The following CROT variants were observed in gnomAD, a reference collection of about 807,000 sequenced individuals.
The protein encoded by CROT is peroxisomal carnitine O-octanoyltransferase.
CROT carries 84 observed loss-of-function variants against 89.2 expected under a neutral mutation model. The ratio of observed to expected loss-of-function variants is 0.94; its 90% confidence interval spans 0.79 to 1.13. The LOEUF (loss-of-function observed/expected upper bound fraction) is 1.13, where lower values mean the gene tolerates loss of function less well. CROT is among the 50% of genes most tolerant of loss of function. The pLI is 0.00. For synonymous variants in CROT, 212 were observed against 239.5 expected (o/e 0.89, Z 1.06); for missense variants, 711 against 727.8 (o/e 0.98, Z 0.27).
Position 87,354,374 on chromosome 7 carries a change from C to A in CROT, c.116-4832C>A, listed in dbSNP as rs768937282. The A allele has an allele frequency of 2.7e-5, 14 of 518,372 alleles. No homozygotes were observed. In the East Asian group the frequency reaches 7.1e-4, roughly 26 times the overall value. 32.1% of individuals were successfully genotyped at this position (518,372 alleles called of 1,614,324 possible). A position where few individuals can be genotyped will look rare whatever the true frequency, so the allele number is the denominator to read the frequency against. ...CCATTTAGATAACCTGGACATCAAA[C>A]CTGATGAAAAAAGTGCTTGGATTTA... On this transcript the variant is annotated intron_variant, in intron 3 of 17. Coordinates refer to ENST00000331536, the MANE Select transcript of CROT (RefSeq NM_021151.4).
At position 87,377,539 on chromosome 7, in the gene CROT, T is replaced by C. The variant is rs1474338325; in HGVS notation, c.978+89T>C. The C allele has an allele frequency of 1.5e-5, 11 of 735,494 alleles. No individual in the cohort carries two copies. In the Admixed American group the frequency reaches 2.5e-4, roughly 17 times the overall value. 45.6% of individuals were successfully genotyped at this position (735,494 alleles called of 1,614,324 possible). A position where few individuals can be genotyped will look rare whatever the true frequency, so the allele number is the denominator to read the frequency against. On this transcript the variant is annotated intron_variant, in intron 10 of 17. Transcript: ENST00000331536. ...TAAATACTTGTGCTGGGGAACAGTG[T>C]AAGTGAATAGTAATTTAGTTTTATG...
intron 1 of CROT, 55 bp downstream of exon 1, chr7:87,345,822 G>T (rs1454952746): frequency 1.6e-5 from 3 of 192,024 alleles, no homozygotes; most frequent in Non-Finnish European, 9.9e-6. Context: ...GGGGGCGGGG[G>T]AAAGTTAAGT....
chr7:87,351,308 CAAA>C (rs11295263), intron 3 of CROT, among the ~76,000 whole-genome samples: 41 of 67,522 alleles, frequency 6.1e-4, no homozygotes, highest in African/African-American at 1.3e-3. Flanking sequence ...GACTCCATCT[CAAA>C]AAAAAAAAAA....
At chr7:87,348,111 A>C (rs941361413) in intron 2 of CROT, among the ~76,000 whole-genome samples, 6 of 152,198 alleles carry the variant, frequency 3.9e-5, no homozygotes, top group African/African-American at 1.4e-4. Flanking sequence ...TTTAAAAAAT[A>C]GTTTTTGAGA....
chr7:87,393,022 T>C lies in CROT; in HGVS notation c.1673T>C (p.Met558Thr), dbSNP rs146036374. 5.0e-6 allele frequency: 8 copies of C among 1,613,588 alleles called. No homozygotes were observed. The African/African-American group carries it at 1.1e-4, about 22-fold the overall frequency. ...YLRVQGVVVP[M>T]VHNGYGFFYH... ...CGAGTCCAGGGAGTGGTAGTTCCCA[T>C]GGTACACAATGGTTATGGATTTTTC... Residue 558 changes from methionine to threonine, a missense_variant, in exon 17 of 18, where the codon ATG becomes ACG. Met to Thr is a moderately conservative substitution (Grantham distance 81, BLOSUM62 -1). Coordinates refer to ENST00000331536, the MANE Select transcript of CROT (RefSeq NM_021151.4).
intron 7 of CROT, among the ~76,000 whole-genome samples, chr7:87,373,868 AGAC>A (rs1220583546): frequency 6.6e-6 from 1 of 152,106 alleles, no homozygotes; most frequent in African/African-American, 2.4e-5. Context: ...TGACGTATGG[AGAC>A]GACAATGGGA....
chr7:87,357,598 G>T (rs770132495), intron 3 of CROT: 2 of 1,041,920 alleles, frequency 1.9e-6, no homozygotes, highest in African/African-American at 3.2e-5. Context: ...AAGGTGAGTT[G>T]CAGAGTGCAG....
intron 7 of CROT, among the ~76,000 whole-genome samples, chr7:87,369,891 T>A (rs937588958): frequency 1.4e-5 from 2 of 141,838 alleles, no homozygotes; most frequent in Admixed American, 1.4e-4. Flanking sequence ...GTATATGTTT[T>A]AAAGTATATT....
intron 10 of CROT, among the ~76,000 whole-genome samples, chr7:87,378,034 C>G (rs567592193): frequency 6.6e-6 from 1 of 151,960 alleles, no homozygotes; most frequent in South Asian, 2.1e-4. Context: ...GTCTATGAAC[C>G]AAGAAAATTT....
intron 13 of CROT, among the ~76,000 whole-genome samples, chr7:87,388,520 T>C (rs1348165643): frequency 6.6e-6 from 1 of 152,130 alleles, no homozygotes; most frequent in Admixed American, 6.5e-5. Context: ...AAACAAGCAA[T>C]GGGGAAAGGA....
chr7:87,377,188 T>C (rs1468617914), intron 9 of CROT, among the ~76,000 whole-genome samples, 161 bp from the exon 10 acceptor site: 1 of 152,204 alleles, frequency 6.6e-6, no homozygotes, highest in South Asian at 2.1e-4. Context: ...CTCTTGACTT[T>C]GCATATCACA....
chr7:87,398,378 C>A (rs1020007846), intron 17 of CROT, 146 bp from the exon 18 acceptor site: 5 of 949,324 alleles, frequency 5.3e-6, no homozygotes, highest in Non-Finnish European at 8.4e-6. Context: ...GCTTTACCTT[C>A]AATTGTGTCA....
chr7:87,381,211 C>T (rs1806990418), intron 10 of CROT, among the ~76,000 whole-genome samples: 2 of 152,174 alleles, frequency 1.3e-5, no homozygotes, highest in African/African-American at 4.8e-5. Context: ...GTGACAGTCA[C>T]AAGGAACCGT....
intron 10 of CROT, among the ~76,000 whole-genome samples, chr7:87,379,582 C>G (rs1261219134): frequency 6.6e-6 from 1 of 152,210 alleles, no homozygotes; most frequent in Non-Finnish European, 1.5e-5. Flanking sequence ...ATAATCTTGT[C>G]TGTCTCTGAA....
rs1055608349 is a variant in CROT at position 87,358,841 on chromosome 7, G to C, written c.116-365G>C. ...ATGGACCTGTGCAGTTCAAACTCGT[G>C]TTGTTCGAGTCAACCATGTCCTTAA... On this transcript the variant is annotated intron_variant, in intron 3 of 17. Coordinates refer to ENST00000331536, the MANE Select transcript of CROT (RefSeq NM_021151.4). Among the ~76,000 whole-genome samples, 4 of 152,214 alleles carry C rather than the reference G, an allele frequency of 2.6e-5. No homozygotes were observed. In the East Asian group the frequency reaches 7.7e-4, roughly 29 times the overall value.
At chr7:87,368,548 G>A (rs1806525374) in intron 6 of CROT, among the ~76,000 whole-genome samples, 1 of 152,132 alleles carries the variant, frequency 6.6e-6, no homozygotes, top group East Asian at 1.9e-4. Flanking sequence ...TTTATCAGGA[G>A]ACTGTTCTTC....
At chr7:87,380,560 T>C (rs1806960929) in intron 10 of CROT, among the ~76,000 whole-genome samples, 1 of 152,212 alleles carries the variant, frequency 6.6e-6, no homozygotes, top group Non-Finnish European at 1.5e-5. Context: ...CCTACATTCT[T>C]AAACACTATG....
chr7:87,374,237 AT>A (rs1806734394), intron 7 of CROT, among the ~76,000 whole-genome samples: 1 of 152,136 alleles, frequency 6.6e-6, no homozygotes, highest in Non-Finnish European at 1.5e-5. Context: ...AAGAGGGATT[AT>A]CTTGTTACCA....
At chr7:87,364,427 A>C (rs985106664) in intron 6 of CROT, among the ~76,000 whole-genome samples, 2 of 152,220 alleles carry the variant, frequency 1.3e-5, no homozygotes, top group African/African-American at 4.8e-5. Flanking sequence ...GAGAAGTCAA[A>C]TGAGGTAAAA....
Sources: allele counts gnomAD v4.1 joint callset (sites outside exome capture counted in the v4.1 genomes callset), GRCh38; gene constraint gnomAD v4.1.1; transcripts MANE v1.5; gene names NCBI Gene and HGNC (gene_info 2026-07-23, HGNC 2026-07-21).